MMP26: variants seen among roughly 807,000 people sequenced by gnomAD.
MMP26 encodes the protein matrix metallopeptidase 26, also known as matrix metalloproteinase-26.
A neutral mutation model predicts 31.0 loss-of-function variants in MMP26; 33 were observed. The observed-to-expected ratio is 1.06, with a 90% CI of 0.81 to 1.42. MMP26 has a LOEUF of 1.42. Ranked by LOEUF, MMP26 falls within the 40% of genes most tolerant of loss-of-function variation. MMP26 has a pLI of 0.00. For missense variants in MMP26, 347 were observed against 316.1 expected (o/e 1.10, Z -0.74); for synonymous variants, 122 against 114.9 (o/e 1.06, Z -0.40).
At chr11:4,804,823 A>C (rs117502546) in intron 2 of MMP26, among the ~76,000 whole-genome samples, 2,684 of 147,838 alleles carry the variant, frequency 0.018, 44 homozygotes, top group South Asian at 0.048. Flanking sequence ...AAACCCCATT[A>C]GCCAGGCATG....
chr11:4,915,598 G>A (rs1192900490), intron 2 of MMP26: 1 of 1,614,120 alleles, frequency 6.2e-7, no homozygotes, highest in Admixed American at 1.7e-5. Context: ...CCAGCCCAGG[G>A]ATGCCACTCA....
At chr11:4,902,094 C>A (rs955240455) in intron 2 of MMP26, among the ~76,000 whole-genome samples, 1 of 152,172 alleles carries the variant, frequency 6.6e-6, no homozygotes, top group Non-Finnish European at 1.5e-5. Flanking sequence ...TCGTTACACA[C>A]ACAAAAGTAG....
intron 2 of MMP26, among the ~76,000 whole-genome samples, chr11:4,927,782 G>A (rs1418220536): frequency 1.3e-5 from 2 of 152,116 alleles, no homozygotes; most frequent in Non-Finnish European, 2.9e-5. Flanking sequence ...CCTTTCCCAA[G>A]TCTGAGAATT....
At chr11:4,936,264 T>A (rs1321573894) in intron 2 of MMP26, among the ~76,000 whole-genome samples, 1 of 150,798 alleles carries the variant, frequency 6.6e-6, no homozygotes, top group Non-Finnish European at 1.5e-5. Context: ...CTCCTGTTAT[T>A]GATCTATTCA....
At chr11:4,734,272 G>A (rs930046646) in intron 1 of MMP26, among the ~76,000 whole-genome samples, 10 of 152,092 alleles carry the variant, frequency 6.6e-5, no homozygotes, top group African/African-American at 2.4e-4. Context: ...ATTTGCCACT[G>A]AATCATCTAG....
At chr11:4,769,528 G>A (rs11033796) in intron 2 of MMP26, 384,359 of 1,610,272 alleles carry the variant, frequency 0.24, 51,839 homozygotes, top group African/African-American at 0.49. Context: ...ACCTCAGAGG[G>A]TCACAGATGG....
intron 2 of MMP26, among the ~76,000 whole-genome samples, chr11:4,825,635 A>C (rs1364893959): frequency 6.6e-6 from 1 of 152,160 alleles, no homozygotes; most frequent in East Asian, 1.9e-4. Flanking sequence ...GTTACTATAT[A>C]AACTAATACC....
intron 1 of MMP26, among the ~76,000 whole-genome samples, chr11:4,735,074 G>A (rs1268637181): frequency 6.6e-6 from 1 of 152,202 alleles, no homozygotes; most frequent in Non-Finnish European, 1.5e-5. Context: ...ACTGAGGAGG[G>A]TCTGGGGGAA....
rs766387063 is a variant in MMP26 at position 4,826,952 on chromosome 11, A to G, written c.-145+59611A>G. On this transcript the variant is annotated intron_variant, in intron 2 of 7. Transcript: ENST00000380390. ...TTTCCCATTGCTGAAAGTCTACCTC[A>G]TGAATCCTTAATTTCCCCCTATTTC... Among the ~76,000 whole-genome samples, 6 of 149,628 alleles carry G rather than the reference A, an allele frequency of 4.0e-5. No homozygotes were observed. In the East Asian group the frequency reaches 1.2e-3, roughly 29 times the overall value.
At chr11:4,862,282 T>C (rs1185813494) in intron 2 of MMP26, among the ~76,000 whole-genome samples, 6 of 152,208 alleles carry the variant, frequency 3.9e-5, no homozygotes, top group African/African-American at 1.2e-4. Context: ...TCTCTCCTAC[T>C]AGAAGTTAAA....
intron 2 of MMP26, among the ~76,000 whole-genome samples, chr11:4,836,944 C>G (rs2133485222): frequency 6.6e-6 from 1 of 151,880 alleles, no homozygotes; most frequent in Middle Eastern, 3.4e-3. Context: ...AGCCACCGCG[C>G]CTGGCCAAAG....
chr11:4,720,167 A>G (rs1847991185), intron 1 of MMP26, among the ~76,000 whole-genome samples: 1 of 152,218 alleles, frequency 6.6e-6, no homozygotes, highest in Non-Finnish European at 1.5e-5. Context: ...AAATATTCAT[A>G]CTTTCTCCCA....
chr11:4,974,569 T>C lies in MMP26; in HGVS notation c.-144-13499T>C, dbSNP rs954379064. 3.9e-5 allele frequency among the ~76,000 whole-genome samples: 6 copies of C among 152,212 alleles called. 1 individual carries two copies. The South Asian group carries it at 1.0e-3, about 26-fold the overall frequency. On this transcript the variant is annotated intron_variant, in intron 2 of 7. Coordinates refer to ENST00000380390, the MANE Select transcript of MMP26 (RefSeq NM_021801.5). ...TATTATTTTCTGTTTTTCTTAGTGA[T>C]TACTGATTGCTTAGAGGAACAATAT...
chr11:4,866,543 A>G (rs527916111), intron 2 of MMP26, among the ~76,000 whole-genome samples: 1 of 152,188 alleles, frequency 6.6e-6, no homozygotes, highest in Non-Finnish European at 1.5e-5. Context: ...CATTCCTATT[A>G]AAGTAGTATT....
intron 1 of MMP26, among the ~76,000 whole-genome samples, chr11:4,717,076 T>A (rs1847943688): frequency 6.6e-6 from 1 of 152,172 alleles, no homozygotes. Flanking sequence ...TCTTTCATGA[T>A]GATTTTCACT....
chr11:4,758,466 GAAAAA>G (rs376347621), intron 1 of MMP26, among the ~76,000 whole-genome samples: 81 of 93,362 alleles, frequency 8.7e-4, no homozygotes, highest in African/African-American at 2.8e-3. Flanking sequence ...CATCCATTTG[GAAAAA>G]AAAAAAAAAA....
chr11:4,881,638 C>T (rs1850464077), intron 2 of MMP26, among the ~76,000 whole-genome samples: 1 of 148,486 alleles, frequency 6.7e-6, no homozygotes, highest in South Asian at 2.1e-4. Flanking sequence ...TTAGCCTGGC[C>T]TCTCTGATCA....
chr11:4,838,180 T>C (rs2133486228), intron 2 of MMP26, among the ~76,000 whole-genome samples: 1 of 148,584 alleles, frequency 6.7e-6, no homozygotes, highest in Non-Finnish European at 1.5e-5. Context: ...TAGCCGGGCG[T>C]GGTGGTGGGT....
intron 2 of MMP26, among the ~76,000 whole-genome samples, chr11:4,822,799 A>T (rs555315917): frequency 6.6e-6 from 1 of 152,242 alleles, no homozygotes; most frequent in East Asian, 1.9e-4. Context: ...TAGAGATTCT[A>T]TAGGGTGGAT....
Sources: allele counts gnomAD v4.1 joint callset (sites outside exome capture counted in the v4.1 genomes callset), GRCh38; gene constraint gnomAD v4.1.1; transcripts MANE v1.5; gene names NCBI Gene and HGNC (gene_info 2026-07-23, HGNC 2026-07-21).